LOC128462377: variants seen among roughly 807,000 people sequenced by gnomAD.
chr16:89,322,417 G>C, the LOC128462377 span, among the ~76,000 whole-genome samples: 1 of 152,254 alleles, frequency 6.6e-6, no homozygotes, highest in African/African-American at 2.4e-5. Context: ...TTTGTGTAAT[G>C]ACCATTTAAA....
chr16:89,392,950 T>C, the LOC128462377 span, among the ~76,000 whole-genome samples: 1 of 151,872 alleles, frequency 6.6e-6, no homozygotes, highest in Non-Finnish European at 1.5e-5. Flanking sequence ...TGATCTACAG[T>C]CACCAAGGCC....
At chr16:89,364,377 T>C in the LOC128462377 span, among the ~76,000 whole-genome samples, 1 of 152,238 alleles carries the variant, frequency 6.6e-6, no homozygotes, top group Non-Finnish European at 1.5e-5. Flanking sequence ...CACCATGTAT[T>C]GTCTTACACC....
At chr16:89,355,310 C>T in the LOC128462377 span, among the ~76,000 whole-genome samples, 1 of 152,138 alleles carries the variant, frequency 6.6e-6, no homozygotes, top group Non-Finnish European at 1.5e-5. Context: ...GGGCGGACGG[C>T]TCACACAGAC....
the LOC128462377 span, among the ~76,000 whole-genome samples, chr16:89,327,132 C>CAAA: frequency 1.8e-4 from 26 of 141,122 alleles, no homozygotes; most frequent in African/African-American, 6.4e-4. Context: ...AGGGCACCTA[C>CAAA]ACTTCTGATG....
the LOC128462377 span, among the ~76,000 whole-genome samples, chr16:89,410,533 G>A: frequency 6.6e-6 from 1 of 152,172 alleles, no homozygotes; most frequent in East Asian, 1.9e-4. Context: ...CCTGCCCCCG[G>A]GCTACAAAGG....
chr16:89,336,780 G>A, the LOC128462377 span, among the ~76,000 whole-genome samples: 2 of 152,036 alleles, frequency 1.3e-5, no homozygotes, highest in African/African-American at 4.8e-5. Context: ...ATGATAAAAG[G>A]GTTTCAATAC....
At chr16:89,410,673 TAATA>T in the LOC128462377 span, among the ~76,000 whole-genome samples, 1 of 152,250 alleles carries the variant, frequency 6.6e-6, no homozygotes, top group Admixed American at 6.5e-5. Flanking sequence ...TTATTTTTCC[TAATA>T]AATAAATCAT....
chr16:89,359,686 C>G, the LOC128462377 span, among the ~76,000 whole-genome samples: 5 of 152,192 alleles, frequency 3.3e-5, no homozygotes, highest in Non-Finnish European at 5.9e-5. Context: ...CACACTGAAG[C>G]AGGAACTGGG....
the LOC128462377 span, among the ~76,000 whole-genome samples, chr16:89,333,487 G>C: frequency 1.3e-5 from 2 of 152,204 alleles, no homozygotes. Flanking sequence ...TAGTTTCACT[G>C]CCCCAGGTCC....
chr16:89,378,388 T>C, the LOC128462377 span, among the ~76,000 whole-genome samples: 18 of 152,226 alleles, frequency 1.2e-4, no homozygotes, highest in Admixed American at 9.8e-4. Context: ...AATGATTTCA[T>C]CAACGTGTAT....
chr16:89,387,406 C>A, the LOC128462377 span, among the ~76,000 whole-genome samples: 1 of 151,954 alleles, frequency 6.6e-6, no homozygotes, highest in Non-Finnish European at 1.5e-5. Flanking sequence ...GGCGCGGTGG[C>A]TCACTCCTGT....
the LOC128462377 span, among the ~76,000 whole-genome samples, chr16:89,338,453 C>T: frequency 4.7e-5 from 7 of 149,080 alleles, no homozygotes; most frequent in African/African-American, 1.5e-4. Context: ...AAGGACCAGG[C>T]GCTGTGGCTC....
chr16:89,360,911 T>C, the LOC128462377 span, among the ~76,000 whole-genome samples: 3,761 of 152,304 alleles, frequency 0.025, 166 homozygotes, highest in African/African-American at 0.087. Context: ...CCACGGTCTC[T>C]TGCCCCTGCA....
the LOC128462377 span, among the ~76,000 whole-genome samples, chr16:89,348,521 CT>C: frequency 6.6e-6 from 1 of 152,162 alleles, no homozygotes; most frequent in Non-Finnish European, 1.5e-5. Context: ...ATATAACTGA[CT>C]TTCCTTATTC....
the LOC128462377 span, among the ~76,000 whole-genome samples, chr16:89,379,523 T>G: frequency 6.6e-6 from 1 of 152,212 alleles, no homozygotes; most frequent in Non-Finnish European, 1.5e-5. Context: ...AGTCTTGCTC[T>G]GTCGCCCAGA....
At chr16:89,353,913 C>A in the LOC128462377 span, among the ~76,000 whole-genome samples, 8 of 152,244 alleles carry the variant, frequency 5.3e-5, no homozygotes, top group Admixed American at 5.2e-4. Context: ...GAGCGTGGGG[C>A]ATGTCTGCCA....
the LOC128462377 span, among the ~76,000 whole-genome samples, chr16:89,329,601 TA>T: frequency 7.0e-6 from 1 of 143,252 alleles, no homozygotes; most frequent in Non-Finnish European, 1.5e-5. Context: ...AAAAAAATTT[TA>T]ATTCCCATAG....
the LOC128462377 span, among the ~76,000 whole-genome samples, chr16:89,344,600 AG>A: frequency 6.6e-6 from 1 of 152,228 alleles, no homozygotes; most frequent in Non-Finnish European, 1.5e-5. Context: ...CCACAATGCA[AG>A]CGTCCGGGAG....
chr16:89,382,489 C>A, the LOC128462377 span, among the ~76,000 whole-genome samples: 1 of 151,330 alleles, frequency 6.6e-6, no homozygotes, highest in South Asian at 2.1e-4. Flanking sequence ...CCAAGCCTGG[C>A]TAATTTTTTG....
Sources: gnomAD v4.1 joint callset for allele counts (sites outside exome capture counted in the v4.1 genomes callset) on GRCh38, gnomAD v4.1.1 for gene constraint, MANE v1.5 for transcripts.